CLDN14: variants seen among roughly 807,000 people sequenced by gnomAD.
CLDN14 encodes the protein claudin-14.
In CLDN14, 2 loss-of-function variants were observed where a neutral mutation model predicts 2.1. That is an observed-to-expected ratio of 0.96 (90% CI 0.39 to 3.01). CLDN14 has a LOEUF of 3.01. Among genes scored for constraint, CLDN14 ranks in the 30% most tolerant of loss-of-function variants. CLDN14 has a pLI of 0.09. For synonymous variants in CLDN14, 136 were observed against 154.4 expected (o/e 0.88, Z 0.88); for missense variants, 298 against 328.0 (o/e 0.91, Z 0.71).
rs894884072 is a variant in CLDN14, at chr21:36,460,933, ACCCAG to A, written c.*38_*42del. The A allele has an allele frequency of 6.3e-7, 1 of 1,599,360 alleles. No homozygotes were observed. Among genetic ancestry groups the A allele is most frequent in the African/African-American group, 1.3e-5 (1 of 74,630 alleles). ...GCCTCCATTGACAGTCCCGCCGGGG[ACCCAG>A]CCCACAGCAGCCCAGGGGAGAAGCA... On this transcript the variant is annotated 3_prime_UTR_variant, in exon 2 of 2. Coordinates refer to ENST00000399135, the MANE Select transcript of CLDN14 (RefSeq NM_001146079.2). The surrounding 1 kb of genome is among the most constrained non-coding windows in gnomAD (Gnocchi z 4.0).
rs2087074887 is a variant in CLDN14, at chr21:36,499,660, C to G, written c.-82+10703G>C. Among the ~76,000 whole-genome samples, 1 of 152,176 alleles carries G rather than the reference C, an allele frequency of 6.6e-6. No homozygotes were observed. The highest frequency in any genetic ancestry group is 1.5e-5 in the Non-Finnish European group (1 of 68,044). ...AGCCCCTGTTCCAGTCCACGTGACT[C>G]TTATGCATCATGATGTTGAGATTCA... On this transcript the variant is annotated intron_variant, in intron 2 of 2. Transcript: ENST00000342108. The surrounding 1 kb of genome is among the most constrained non-coding windows in gnomAD (Gnocchi z 4.7).
intron 2 of CLDN14, among the ~76,000 whole-genome samples, chr21:36,488,472 A>G (rs911304929): frequency 3.3e-5 from 5 of 151,970 alleles, no homozygotes; most frequent in African/African-American, 9.7e-5. Context: ...GGGTTTCACC[A>G]TGTTGGCCAG....
At chr21:36,518,840 C>T (rs1221384286) in intron 1 of CLDN14, among the ~76,000 whole-genome samples, 3 of 152,130 alleles carry the variant, frequency 2.0e-5, no homozygotes, top group South Asian at 2.1e-4. Flanking sequence ...TCTGAGAGGC[C>T]GTATTACAGA....
chr21:36,477,450 G>A (rs771801058), intron 1 of CLDN14: 1 of 152,214 alleles, frequency 6.6e-6, no homozygotes, highest in Admixed American at 6.5e-5. Flanking sequence ...GCTCTTGCTG[G>A]TCTCCAGTGC....
chr21:36,549,621 G>A (rs1334573518), intron 1 of CLDN14, among the ~76,000 whole-genome samples: 1 of 152,342 alleles, frequency 6.6e-6, no homozygotes, highest in South Asian at 2.1e-4. Flanking sequence ...CCAGCCACAG[G>A]CTCAGCCAGA....
rs75590445 is a variant in CLDN14 at position 36,498,016 on chromosome 21, T to G, written c.-82+12347A>C. Among the ~76,000 whole-genome samples the G allele has an allele frequency of 6.6e-6, 1 of 152,058 alleles. No homozygotes were observed. The highest frequency in any genetic ancestry group is 1.5e-5 in the Non-Finnish European group (1 of 68,008). On this transcript the variant is annotated intron_variant, in intron 2 of 2. Coordinates refer to the CLDN14 transcript ENST00000342108. This position sits in a 1 kb window ranked among gnomAD's most constrained non-coding sequence, Gnocchi z 4.9. Reference sequence around the variant, plus strand: ...CGAGAGGAAGATGCTTTTTTTTTTTTTGAGATGGAGTTTTGCTCTGTTGCC... The same window carrying G: ...CGAGAGGAAGATGCTTTTTTTTTTTGTGAGATGGAGTTTTGCTCTGTTGCC...
chr21:36,527,335 ACTTAG>A (rs1289442920), intron 1 of CLDN14, among the ~76,000 whole-genome samples: 9 of 150,596 alleles, frequency 6.0e-5, no homozygotes, highest in Admixed American at 5.3e-4. Flanking sequence ...TTTAAAAAAT[ACTTAG>A]CTTAGCGCTA....
intron 2 of CLDN14, among the ~76,000 whole-genome samples, chr21:36,490,091 C>T (rs1045803970): frequency 6.6e-6 from 1 of 152,200 alleles, no homozygotes; most frequent in Admixed American, 6.5e-5. Context: ...TAGATTGCCA[C>T]GGACCAGGCA....
chr21:36,529,717 A>C (rs2087364470), intron 1 of CLDN14, among the ~76,000 whole-genome samples: 1 of 152,240 alleles, frequency 6.6e-6, no homozygotes, highest in South Asian at 2.1e-4. Flanking sequence ...AAGTCTAAAC[A>C]CTTACCATTA....
intron 1 of CLDN14, among the ~76,000 whole-genome samples, chr21:36,562,541 C>A (rs1411151690): frequency 6.6e-6 from 1 of 152,206 alleles, no homozygotes; most frequent in African/African-American, 2.4e-5. Context: ...AAAGCCCCAC[C>A]AAGTCTCCAG....
intron 2 of CLDN14, among the ~76,000 whole-genome samples, chr21:36,507,752 A>G (rs927565049): frequency 6.6e-6 from 1 of 152,254 alleles, no homozygotes; most frequent in Non-Finnish European, 1.5e-5. Flanking sequence ...TGACAGAGTG[A>G]GACTCCATCT....
chr21:36,463,482 C>T (rs1341602428), intron 1 of CLDN14, among the ~76,000 whole-genome samples: 1 of 152,158 alleles, frequency 6.6e-6, no homozygotes, highest in Non-Finnish European at 1.5e-5. Context: ...GAGGCTAAGG[C>T]GGGTGGATCG....
At chr21:36,537,978 A>G (rs1449893686) in intron 1 of CLDN14, among the ~76,000 whole-genome samples, 4 of 149,024 alleles carry the variant, frequency 2.7e-5, no homozygotes, top group South Asian at 2.2e-4. Flanking sequence ...TTAAGAAAAA[A>G]TCAAAACAAA....
At chr21:36,492,243 G>C (rs2086974015) in intron 2 of CLDN14, among the ~76,000 whole-genome samples, 1 of 145,164 alleles carries the variant, frequency 6.9e-6, no homozygotes, top group Non-Finnish European at 1.5e-5. Context: ...GACCATCCTG[G>C]CTAACAAGGT....
chr21:36,487,146 G>A (rs567801452), intron 2 of CLDN14: 40 of 207,248 alleles, frequency 1.9e-4, no homozygotes, highest in South Asian at 1.5e-3. Flanking sequence ...CACCACACCC[G>A]GCTAATTTTT....
intron 1 of CLDN14, among the ~76,000 whole-genome samples, chr21:36,555,806 AGTGTGTGT>A (rs142473999): frequency 0.25 from 35,677 of 143,002 alleles, 4,809 homozygotes; most frequent in East Asian, 0.45. Flanking sequence ...TCTATAGGTC[AGTGTGTGT>A]GTGTGTGTGT....
In CLDN14 at chr21:36,461,159, G is replaced by C. The variant is rs2086564775; in HGVS notation, c.537C>G (p.Thr179=). 2 of 1,613,764 alleles carry C rather than the reference G, an allele frequency of 1.2e-6. No individual in the cohort carries two copies. Among genetic ancestry groups the C allele is most frequent in the South Asian group, 2.2e-5 (2 of 91,088 alleles). Residue 179 remains threonine (T), a synonymous_variant, in exon 2 of 2, where the codon ACC becomes ACG. Coordinates refer to ENST00000399135, the MANE Select transcript of CLDN14 (RefSeq NM_001146079.2). Reference sequence around the variant, plus strand: ...CGTCCTGGCAGGACAGGCAAAGCAGGGTGCCACCAATGAGCGAGAGGGACG... The same window carrying C: ...CGTCCTGGCAGGACAGGCAAAGCAGCGTGCCACCAATGAGCGAGAGGGACG... ...ISSSLSLIGG[T]LLCLSCQDEA...
At chr21:36,525,004 C>G (rs1410138581) in intron 1 of CLDN14, among the ~76,000 whole-genome samples, 1 of 152,186 alleles carries the variant, frequency 6.6e-6, no homozygotes, top group Non-Finnish European at 1.5e-5. Context: ...TTCTCCATCA[C>G]CTGCTTCTCA....
At position 36,551,513 on chromosome 21, in the gene CLDN14, G is replaced by A. The variant is rs964361610; in HGVS notation, c.-220+24898C>T. On this transcript the variant is annotated intron_variant, in intron 1 of 2. Transcript: ENST00000342108. This position sits in a 1 kb window ranked among gnomAD's most constrained non-coding sequence, Gnocchi z 4.8. ...GCAGGGTGGCTGGCACAGGGTAGGG[G>A]TACCACAAATAACTGTTGGAGTGTA... is the stretch of plus-strand genomic sequence containing the variant. 6.6e-6 allele frequency among the ~76,000 whole-genome samples: 1 copy of A among 152,196 alleles called. No individual in the cohort carries two copies. The highest frequency in any genetic ancestry group is 1.5e-5 in the Non-Finnish European group (1 of 68,034).
Sources: gnomAD v4.1 joint callset for allele counts (sites outside exome capture counted in the v4.1 genomes callset) on GRCh38, gnomAD v4.1.1 for gene constraint, Gnocchi (gnomAD v3.1) non-coding constraint, MANE v1.5 for transcripts, NCBI Gene and HGNC (gene_info 2026-07-23, HGNC 2026-07-21) for gene names.